The following PCDHA10 variants were observed in gnomAD, a reference collection of about 807,000 sequenced individuals.
PCDHA10 encodes protocadherin alpha-10.
In PCDHA10, 45 loss-of-function variants were observed where a neutral mutation model predicts 61.2. The ratio of observed to expected loss-of-function variants is 0.74; its 90% confidence interval spans 0.58 to 0.94. The LOEUF (loss-of-function observed/expected upper bound fraction) is 0.94. Ranked by LOEUF, PCDHA10 falls within the 40% of genes least tolerant of loss-of-function variation. The probability of loss-of-function intolerance (pLI) is 0.00; values close to 1 mark genes in which losing one functional copy is unlikely to be tolerated. For synonymous variants in PCDHA10, 602 were observed against 548.8 expected (o/e 1.10, Z -1.35); for missense variants, 1,278 against 1,236.2 (o/e 1.03, Z -0.51).
intron 1 of PCDHA10, chr5:140,867,841 C>T (rs1554161566): frequency 1.3e-5 from 2 of 151,958 alleles, no homozygotes; most frequent in African/African-American, 4.8e-5. Flanking sequence ...GGTAATTTAC[C>T]ATTTAGTTGA....
At chr5:140,899,518 C>T (rs546972156) in intron 1 of PCDHA10, among the ~76,000 whole-genome samples, 145 of 152,230 alleles carry the variant, frequency 9.5e-4, no homozygotes, top group African/African-American at 2.6e-3. Context: ...TATTGCATCC[C>T]AGGGATGAAG....
At chr5:140,935,767 T>C (rs1373324342) in intron 1 of PCDHA10, among the ~76,000 whole-genome samples, 2 of 152,184 alleles carry the variant, frequency 1.3e-5, no homozygotes, top group Non-Finnish European at 2.9e-5. Flanking sequence ...TCTTCCCCAC[T>C]TTGAGTTTTT....
intron 1 of PCDHA10, among the ~76,000 whole-genome samples, chr5:140,944,240 T>C (rs374307364): frequency 2.1e-4 from 32 of 152,316 alleles, no homozygotes; most frequent in African/African-American, 7.5e-4. Flanking sequence ...CAGGCTGGAG[T>C]GCAGTGATGT....
At chr5:140,876,251 G>T in intron 1 of PCDHA10, 1 of 1,614,008 alleles carries the variant, frequency 6.2e-7, no homozygotes, top group South Asian at 1.1e-5. Context: ...AACGACACAA[G>T]AGTGATCCAA....
At chr5:140,983,997 G>A (rs1191316440) in intron 3 of PCDHA10, among the ~76,000 whole-genome samples, 1 of 152,194 alleles carries the variant, frequency 6.6e-6, no homozygotes, top group Non-Finnish European at 1.5e-5. Context: ...CAATTCATTA[G>A]AGAGCTAATA....
intron 1 of PCDHA10, among the ~76,000 whole-genome samples, chr5:140,941,274 C>T (rs1267060320): frequency 2.7e-3 from 120 of 44,772 alleles, no homozygotes; most frequent in African/African-American, 7.9e-3. Flanking sequence ...TCTTTCTTTC[C>T]TTCCTTCCTT....
At chr5:140,998,721 C>T (rs987484967) in intron 3 of PCDHA10, among the ~76,000 whole-genome samples, 3 of 152,084 alleles carry the variant, frequency 2.0e-5, no homozygotes, top group Non-Finnish European at 2.9e-5. Context: ...TGCACCACCA[C>T]GCTAGGCTAA....
chr5:140,869,199 C>T, intron 1 of PCDHA10: 1 of 1,614,024 alleles, frequency 6.2e-7, no homozygotes, highest in Non-Finnish European at 8.5e-7. Context: ...GCCAGCTCCA[C>T]TACTCCGTCT....
chr5:140,940,045 G>T (rs2092536047), intron 1 of PCDHA10, among the ~76,000 whole-genome samples: 1 of 152,038 alleles, frequency 6.6e-6, no homozygotes, highest in African/African-American at 2.4e-5. Flanking sequence ...TATTTTATTA[G>T]ATTCTTAACC....
chr5:140,968,782 C>T (rs1256152245), intron 1 of PCDHA10: 43 of 1,614,072 alleles, frequency 2.7e-5, no homozygotes, highest in African/African-American at 8.0e-5. Flanking sequence ...CACTATCAGC[C>T]TCTGTGGCCA....
At chr5:140,949,597 C>T (rs1279469149) in intron 1 of PCDHA10, among the ~76,000 whole-genome samples, 1 of 151,600 alleles carries the variant, frequency 6.6e-6, no homozygotes, top group African/African-American at 2.4e-5. Flanking sequence ...TTAATGTGGC[C>T]ATTCTAGTCT....
At chr5:140,950,050 T>C (rs1554219269) in intron 1 of PCDHA10, among the ~76,000 whole-genome samples, 3 of 151,956 alleles carry the variant, frequency 2.0e-5, no homozygotes, top group Admixed American at 6.6e-5. Context: ...CATATAAGAC[T>C]ATTTAGCTCT....
At chr5:140,873,448 T>C (rs917341990) in intron 1 of PCDHA10, among the ~76,000 whole-genome samples, 1 of 152,206 alleles carries the variant, frequency 6.6e-6, no homozygotes, top group East Asian at 1.9e-4. Flanking sequence ...AAATAACAAA[T>C]TTGCATTTTA....
At chr5:140,870,885 C>T (rs782085408) in intron 1 of PCDHA10, 13 of 1,613,918 alleles carry the variant, frequency 8.1e-6, no homozygotes, top group African/African-American at 1.3e-5. Flanking sequence ...CGAAGGTGCG[C>T]GCAGTGGATG....
chr5:140,980,877 C>T (rs1321284538), intron 2 of PCDHA10, among the ~76,000 whole-genome samples: 9 of 152,186 alleles, frequency 5.9e-5, no homozygotes, highest in African/African-American at 1.7e-4. Flanking sequence ...TGGGTGTTCT[C>T]GGTCTTTCCA....
Position 140,857,093 on chromosome 5 carries a change from G to T in PCDHA10, c.1045G>T (p.Val349Leu), listed in dbSNP as rs1554149523. Residue 349 changes from valine to leucine, a missense_variant, in exon 1 of 4, where the codon GTG (valine) becomes TTG (leucine). Coordinates refer to ENST00000307360, the MANE Select transcript of PCDHA10 (RefSeq NM_018901.4). ...GGATGAAAATGATAATTCACCTGAGGTGATTGTCACTTCTCTGTCTCTCCC... is the reference window on the plus strand; with the variant it reads ...GGATGAAAATGATAATTCACCTGAGTTGATTGTCACTTCTCTGTCTCTCCC... ...LLDENDNSPE[V>L]IVTSLSLPVK... 6.3e-7 allele frequency: 1 copy of T among 1,597,336 alleles called. No individual in the cohort carries two copies. Among genetic ancestry groups the T allele is most frequent in the Admixed American group, 1.7e-5 (1 of 59,266 alleles).
At chr5:140,938,897 G>T (rs72800999) in intron 1 of PCDHA10, among the ~76,000 whole-genome samples, 1 of 151,198 alleles carries the variant, frequency 6.6e-6, no homozygotes, top group East Asian at 1.9e-4. Context: ...ACACAGATGC[G>T]CACACACACA....
At chr5:140,860,165 G>T (rs1045558132) in intron 1 of PCDHA10, 2 of 147,750 alleles carry the variant, frequency 1.4e-5, no homozygotes, top group Admixed American at 1.4e-4. Flanking sequence ...ATATATATAT[G>T]TATATATATA....
chr5:140,928,012 A>C, intron 1 of PCDHA10: 2 of 1,614,190 alleles, frequency 1.2e-6, no homozygotes, highest in Non-Finnish European at 1.7e-6. Context: ...TTCTAATGGT[A>C]GGGTCATTTG....
Sources: allele counts gnomAD v4.1 joint callset (sites outside exome capture counted in the v4.1 genomes callset), GRCh38; gene constraint gnomAD v4.1.1; transcripts MANE v1.5; gene names NCBI Gene and HGNC (gene_info 2026-07-23, HGNC 2026-07-21).